The following VPS35L variants were observed in gnomAD, a reference collection of about 807,000 sequenced individuals.
VPS35L encodes VPS35 endosomal protein sorting factor like.
VPS35L carries 83 observed loss-of-function variants against 133.0 expected under a neutral mutation model. The observed-to-expected ratio is 0.62, with a 90% confidence interval of 0.52 to 0.75. VPS35L has a LOEUF of 0.75. Ranked by LOEUF, VPS35L falls within the 30% of genes least tolerant of loss-of-function variation. The pLI is 0.00. For synonymous variants in VPS35L, 423 were observed against 449.9 expected (o/e 0.94, Z 0.76); for missense variants, 1,083 against 1,206.8 (o/e 0.90, Z 1.52).
intron 27 of VPS35L, among the ~76,000 whole-genome samples, chr16:19,674,127 C>T (rs1206766314): frequency 1.3e-5 from 2 of 148,376 alleles, no homozygotes; most frequent in Non-Finnish European, 3.0e-5. Flanking sequence ...ATGAGTAGAT[C>T]TAGCATTAAC....
intron 20 of VPS35L, 106 bp downstream of exon 20, chr16:19,637,762 C>A: frequency 1.3e-6 from 1 of 750,958 alleles, no homozygotes; most frequent in Non-Finnish European, 2.1e-6. Flanking sequence ...AAATATTCAG[C>A]AGTTCCTTTT....
chr16:19,569,119 T>C (rs2151505337), intron 2 of VPS35L: 3 of 533,370 alleles, frequency 5.6e-6, no homozygotes, highest in Non-Finnish European at 1.1e-5. Context: ...CTACTTATAT[T>C]GAGTTGGATT....
chr16:19,663,128 G>C (rs1974541363), intron 26 of VPS35L, among the ~76,000 whole-genome samples: 1 of 152,010 alleles, frequency 6.6e-6, no homozygotes. Flanking sequence ...TGACCAACAT[G>C]GAGAAGCCCC....
chr16:19,700,695 C>G lies in VPS35L; in HGVS notation c.*219C>G. 1.9e-6 allele frequency: 1 copy of G among 534,982 alleles called. No individual in the cohort carries two copies. Among genetic ancestry groups the G allele is most frequent in the Non-Finnish European group, 3.3e-6 (1 of 300,784 alleles). 33.1% of individuals were successfully genotyped at this position (534,982 alleles called of 1,614,324 possible). A position where few individuals can be genotyped will look rare whatever the true frequency, so the allele number is the denominator to read the frequency against. On this transcript the variant is annotated 3_prime_UTR_variant, in exon 31 of 31. Coordinates refer to ENST00000417362, the MANE Select transcript of VPS35L (RefSeq NM_020314.7). ...AATGCAATCTTCACTAAGAAGCAGT[C>G]TCTGTGTTGTCTTTGCACAAGTGGC...
At chr16:19,588,044 C>T (rs555412036) in intron 7 of VPS35L, among the ~76,000 whole-genome samples, 261 of 151,924 alleles carry the variant, frequency 1.7e-3, no homozygotes, top group Non-Finnish European at 3.2e-3. Flanking sequence ...GAGTGATCCA[C>T]CCACCTCGGC....
rs771272669 is a variant in VPS35L at position 19,669,314 on chromosome 16, C to G, written c.2361+15C>G. On this transcript the variant is annotated intron_variant, in intron 27 of 30. Coordinates refer to ENST00000417362, the MANE Select transcript of VPS35L (RefSeq NM_020314.7). ...TAATAGTTCCGGTACGTTTCCTCAG[C>G]AGAACCGCAGGACATGTCTTCCTTT... 6.3e-6 allele frequency: 10 copies of G among 1,598,064 alleles called. No individual in the cohort carries two copies. The highest frequency in any genetic ancestry group is 8.6e-6 in the Non-Finnish European group (10 of 1,168,620).
At chr16:19,638,632 C>A (rs1973693446) in intron 20 of VPS35L, among the ~76,000 whole-genome samples, 1 of 152,140 alleles carries the variant, frequency 6.6e-6, no homozygotes, top group Non-Finnish European at 1.5e-5. Flanking sequence ...GTTCTTTGAA[C>A]ACAAAAATGC....
chr16:19,677,191 G>A (rs908723502), intron 27 of VPS35L, among the ~76,000 whole-genome samples: 15 of 151,114 alleles, frequency 9.9e-5, no homozygotes, highest in Non-Finnish European at 1.0e-4. Context: ...TCCGCCTCCC[G>A]AGCAGCTGGG....
intron 28 of VPS35L, 50 bp from the exon 29 acceptor site, chr16:19,691,303 G>A (rs1975671749): frequency 6.7e-7 from 1 of 1,484,082 alleles, no homozygotes. Flanking sequence ...TCCCTGGCCA[G>A]CATGGCCGCG....
At chr16:19,687,876 G>A (rs1351450281) in intron 28 of VPS35L, among the ~76,000 whole-genome samples, 1 of 151,954 alleles carries the variant, frequency 6.6e-6, no homozygotes, top group Non-Finnish European at 1.5e-5. Flanking sequence ...ACTTTGGGAG[G>A]CCAAGGCGGG....
At position 19,573,159 on chromosome 16, in the gene VPS35L, T is replaced by C. The variant is rs763894705; in HGVS notation, c.326T>C (p.Val109Ala). ...RRKRDRDDNS[V>A]VGSDFEPWTN... The stretch of plus-strand genomic sequence containing the variant: ...AAACGTGATAGAGATGATAACTCCG[T>C]TGTAGGATCGGATTTTGAGCCTTGG... The change falls in exon 4 of 31, where the codon GTT (valine) becomes GCT (alanine). Residue 109 changes from valine to alanine, a missense_variant. By Grantham distance (64) the Val-to-Ala change is moderately conservative (BLOSUM62 0). Transcript: ENST00000417362. 1 of 1,613,922 alleles carries C rather than the reference T, an allele frequency of 6.2e-7. No homozygotes were observed. Among genetic ancestry groups the C allele is most frequent in the East Asian group, 2.2e-5 (1 of 44,870 alleles).
intron 29 of VPS35L, among the ~76,000 whole-genome samples, chr16:19,693,808 G>C (rs1257146325): frequency 3.3e-5 from 5 of 151,454 alleles, no homozygotes; most frequent in African/African-American, 4.9e-5. Context: ...AATTACCCGG[G>C]CGTGGTGGTG....
At chr16:19,576,156 ACT>A (rs1971528506) in intron 5 of VPS35L, among the ~76,000 whole-genome samples, 1 of 138,384 alleles carries the variant, frequency 7.2e-6, no homozygotes, top group Non-Finnish European at 1.5e-5. Context: ...ACAGAGCGAG[ACT>A]CTGTCTCAAA....
intron 8 of VPS35L, among the ~76,000 whole-genome samples, chr16:19,592,376 G>A (rs1972072808): frequency 6.6e-6 from 1 of 151,714 alleles, no homozygotes; most frequent in Admixed American, 6.6e-5. Flanking sequence ...CACCATGCCT[G>A]GCCTGTTTTT....
intron 12 of VPS35L, among the ~76,000 whole-genome samples, chr16:19,613,017 G>A (rs958667121): frequency 1.3e-5 from 2 of 151,996 alleles, no homozygotes; most frequent in African/African-American, 4.8e-5. Context: ...AAGAGTAAGA[G>A]AGACCAAGCG....
chr16:19,612,710 A>G (rs1972763335), intron 12 of VPS35L, among the ~76,000 whole-genome samples: 1 of 152,242 alleles, frequency 6.6e-6, no homozygotes, highest in South Asian at 2.1e-4. Context: ...TCTGGTTATT[A>G]AAGAGAAATC....
chr16:19,606,422 T>C (rs1042317835), intron 9 of VPS35L, among the ~76,000 whole-genome samples: 1 of 152,180 alleles, frequency 6.6e-6, no homozygotes, highest in African/African-American at 2.4e-5. Context: ...ACTTCATGTG[T>C]AGAGATCTAG....
chr16:19,633,557 C>T lies in VPS35L; in HGVS notation c.1635+385C>T, dbSNP rs531587620. On this transcript the variant is annotated intron_variant, in intron 19 of 30. Transcript: ENST00000417362. The surrounding 1 kb of genome is among the most constrained non-coding windows in gnomAD (Gnocchi z 4.1). Reference sequence around the variant, plus strand: ...TTTGAAACAGGGTCTCGCTCAGTCACGGAGGCTGGAGTGCAGTGGTGCGAT... The same window carrying T: ...TTTGAAACAGGGTCTCGCTCAGTCATGGAGGCTGGAGTGCAGTGGTGCGAT... Among the ~76,000 whole-genome samples, 3 of 152,228 alleles carry T rather than the reference C, an allele frequency of 2.0e-5. No individual in the cohort carries two copies. Among genetic ancestry groups the T allele is most frequent in the South Asian group, 2.1e-4 (1 of 4,822 alleles).
intron 14 of VPS35L, among the ~76,000 whole-genome samples, chr16:19,623,562 C>A (rs945598764): frequency 6.6e-6 from 1 of 151,934 alleles, no homozygotes; most frequent in Non-Finnish European, 1.5e-5. Flanking sequence ...AGATGGAAAT[C>A]TGAATAAAAT....
Sources: gnomAD v4.1 joint callset for allele counts (sites outside exome capture counted in the v4.1 genomes callset) on GRCh38, gnomAD v4.1.1 for gene constraint, Gnocchi (gnomAD v3.1) non-coding constraint, MANE v1.5 for transcripts, NCBI Gene and HGNC (gene_info 2026-07-23, HGNC 2026-07-21) for gene names.